The following CYTH3 variants were observed in gnomAD, a reference collection of about 807,000 sequenced individuals.
CYTH3 encodes cytohesin 3.
In CYTH3, 23 loss-of-function variants were observed where a neutral mutation model predicts 55.1. The ratio of observed to expected loss-of-function variants is 0.42; its 90% CI spans 0.30 to 0.59. The LOEUF (loss-of-function observed/expected upper bound fraction) is 0.59. CYTH3 is among the 20% of genes least tolerant of loss of function. The probability of loss-of-function intolerance (pLI) is 0.20; values close to 1 mark genes in which losing one functional copy is unlikely to be tolerated. For synonymous variants in CYTH3, 249 were observed against 194.9 expected, an observed-to-expected ratio of 1.28 and a Z score of -2.31; for missense variants, 413 against 524.8, an observed-to-expected ratio of 0.79 and a Z score of 2.08.
intron 1 of CYTH3, among the ~76,000 whole-genome samples, chr7:6,249,957 A>C (rs1207509091): frequency 6.6e-6 from 1 of 152,210 alleles, no homozygotes. Flanking sequence ...TGAGGTCTCC[A>C]GAATTTATTC....
intron 1 of CYTH3, among the ~76,000 whole-genome samples, chr7:6,196,991 A>G (rs1174970366): frequency 6.6e-6 from 1 of 152,228 alleles, no homozygotes; most frequent in Non-Finnish European, 1.5e-5. Flanking sequence ...CCTTTTTAAG[A>G]AAGTCTATCT....
At chr7:6,208,308 T>C (rs1784243120) in intron 1 of CYTH3, among the ~76,000 whole-genome samples, 1 of 152,230 alleles carries the variant, frequency 6.6e-6, no homozygotes, top group Non-Finnish European at 1.5e-5. Flanking sequence ...AATCAGCCTT[T>C]TGGACTCATA....
chr7:6,198,046 A>T (rs1291568871), intron 1 of CYTH3, among the ~76,000 whole-genome samples: 1 of 150,736 alleles, frequency 6.6e-6, no homozygotes, highest in African/African-American at 2.4e-5. Context: ...GCGAGCTATG[A>T]CTGTGCTACT....
chr7:6,178,679 C>A (rs1482863098), intron 4 of CYTH3, among the ~76,000 whole-genome samples: 1 of 152,184 alleles, frequency 6.6e-6, no homozygotes, highest in East Asian at 1.9e-4. Flanking sequence ...ATAAACCTCG[C>A]CCTGTGTAAG....
At chr7:6,211,288 C>A (rs1325259948) in intron 1 of CYTH3, among the ~76,000 whole-genome samples, 1 of 152,242 alleles carries the variant, frequency 6.6e-6, no homozygotes, top group Non-Finnish European at 1.5e-5. Flanking sequence ...CGCTTTCTAT[C>A]AGACATGGCT....
intron 9 of CYTH3, among the ~76,000 whole-genome samples, chr7:6,166,565 G>C (rs746405911): frequency 6.6e-6 from 1 of 152,320 alleles, no homozygotes; most frequent in African/African-American, 2.4e-5. Flanking sequence ...CCTAAGTGGG[G>C]GCCAGCACGG....
chr7:6,238,800 A>T (rs910048523), intron 1 of CYTH3, among the ~76,000 whole-genome samples: 5 of 152,152 alleles, frequency 3.3e-5, no homozygotes, highest in African/African-American at 1.2e-4. Context: ...GGCAGGGAGT[A>T]TATGGGAGCT....
chr7:6,254,159 T>C (rs538926448), intron 1 of CYTH3, among the ~76,000 whole-genome samples: 3 of 152,118 alleles, frequency 2.0e-5, no homozygotes, highest in African/African-American at 7.2e-5. Flanking sequence ...ACTCCAGCCC[T>C]GGCCACAGAG....
chr7:6,173,841 G>T (rs1783265272), intron 5 of CYTH3, 108 bp from the exon 6 acceptor site: 2 of 708,566 alleles, frequency 2.8e-6, no homozygotes, highest in African/African-American at 1.8e-5. Context: ...ACAAGTTTCT[G>T]CATGGCCATG....
chr7:6,255,079 T>G (rs1416951371), intron 1 of CYTH3, among the ~76,000 whole-genome samples: 1 of 152,236 alleles, frequency 6.6e-6, no homozygotes, highest in Non-Finnish European at 1.5e-5. Flanking sequence ...GAATGCCTAC[T>G]ATTACAATCG....
chr7:6,258,569 G>A (rs1583203275), intron 1 of CYTH3, among the ~76,000 whole-genome samples: 1 of 152,096 alleles, frequency 6.6e-6, no homozygotes, highest in African/African-American at 2.4e-5. Flanking sequence ...GGTTCTGTGG[G>A]CAAGGAAGCA....
intron 1 of CYTH3, among the ~76,000 whole-genome samples, chr7:6,254,725 T>C (rs570917046): frequency 6.6e-6 from 1 of 152,296 alleles, no homozygotes; most frequent in East Asian, 1.9e-4. Context: ...GCTGGGATTA[T>C]AGGCGTGAGC....
rs181070038 is a variant in CYTH3, at chr7:6,216,100, A to G, written c.35-25569T>C. 2.6e-5 allele frequency among the ~76,000 whole-genome samples: 4 copies of G among 152,362 alleles called. No homozygotes were observed. The East Asian group carries it at 7.7e-4, about 29-fold the overall frequency. ...CAAAGAAGTCATCTTGAAATATTAG[A>G]AAACAATAACAAAAGAAACAGTAAA... On this transcript the variant is annotated intron_variant, in intron 1 of 12. Transcript: ENST00000350796.
chr7:6,201,683 T>C (rs1182671456), intron 1 of CYTH3, among the ~76,000 whole-genome samples: 1 of 152,072 alleles, frequency 6.6e-6, no homozygotes, highest in Non-Finnish European at 1.5e-5. Flanking sequence ...AGAACAGAAC[T>C]AAAATGCTCA....
intron 1 of CYTH3, among the ~76,000 whole-genome samples, chr7:6,218,638 C>T (rs538458245): frequency 2.0e-5 from 3 of 152,234 alleles, no homozygotes; most frequent in Admixed American, 2.0e-4. Context: ...GGGACAGAGG[C>T]TGGAATAATT....
chr7:6,183,735 T>TC (rs1364019714), intron 4 of CYTH3, among the ~76,000 whole-genome samples: 3 of 151,790 alleles, frequency 2.0e-5, no homozygotes, highest in Admixed American at 6.6e-5. Context: ...AATGTCCGTG[T>TC]CCCCCCCACA....
intron 1 of CYTH3, among the ~76,000 whole-genome samples, chr7:6,205,994 GAAAAT>G (rs1784179177): frequency 7.6e-6 from 1 of 131,622 alleles, no homozygotes; most frequent in African/African-American, 2.8e-5. Context: ...ACCCAAAACA[GAAAAT>G]AATACAGAAA....
At chr7:6,196,607 G>A (rs1290579015) in intron 1 of CYTH3, among the ~76,000 whole-genome samples, 1 of 151,776 alleles carries the variant, frequency 6.6e-6, no homozygotes, top group Non-Finnish European at 1.5e-5. Context: ...TTATAGGCAC[G>A]CACCACCATG....
chr7:6,254,111 G>A (rs1218347688), intron 1 of CYTH3, among the ~76,000 whole-genome samples: 1 of 152,208 alleles, frequency 6.6e-6, no homozygotes, highest in Non-Finnish European at 1.5e-5. Flanking sequence ...GAACCCGGGA[G>A]ACGGAGGTTG....
Sources: gnomAD v4.1 joint callset for allele counts (sites outside exome capture counted in the v4.1 genomes callset) on GRCh38, gnomAD v4.1.1 for gene constraint, MANE v1.5 for transcripts, NCBI Gene and HGNC (gene_info 2026-07-23, HGNC 2026-07-21) for gene names.